Variants in TULP4 observed in about 807,000 individuals in gnomAD.
TULP4 encodes TUB like protein 4, also known as tubby-related protein 4.
A neutral mutation model predicts 129.0 loss-of-function variants in TULP4; 16 were observed. The ratio of observed to expected loss-of-function variants is 0.12; its 90% CI spans 0.08 to 0.19. The LOEUF (loss-of-function observed/expected upper bound fraction) is 0.19, where lower values mean the gene tolerates loss of function less well. Among genes scored for constraint, TULP4 ranks in the 10% least tolerant of loss-of-function variants. The pLI is 1.00. For missense variants in TULP4, 1,842 were observed against 2,059.1 expected (o/e 0.89, Z 2.04); for synonymous variants, 998 against 854.0 (o/e 1.17, Z -2.94).
chr6:158,331,472 C>T (rs1300336806), intron 1 of TULP4, among the ~76,000 whole-genome samples: 3 of 151,808 alleles, frequency 2.0e-5, no homozygotes, highest in Non-Finnish European at 4.4e-5. Context: ...TTGGTGCACC[C>T]CAGTCACTGG....
chr6:158,309,619 C>G (rs1316155551), upstream of TULP4, among the ~76,000 whole-genome samples: 7 of 152,186 alleles, frequency 4.6e-5, no homozygotes, highest in Non-Finnish European at 5.9e-5. Context: ...CCGAGTGAAC[C>G]AGACTCCGTC....
At chr6:158,331,740 T>TAC (rs1779890798) in intron 1 of TULP4, among the ~76,000 whole-genome samples, 1 of 24,996 alleles carries the variant, frequency 4.0e-5, no homozygotes, top group Non-Finnish European at 1.3e-4. Context: ...TACGTATATA[T>TAC]ATACGTGTAT....
intron 1 of TULP4, among the ~76,000 whole-genome samples, chr6:158,236,941 G>A (rs1196136646): frequency 6.6e-6 from 1 of 151,060 alleles, no homozygotes; most frequent in Non-Finnish European, 1.5e-5. Context: ...CACCCGAGTA[G>A]CTGGGACTAC....
At chr6:158,462,911 G>A (rs750740813) in intron 6 of TULP4, among the ~76,000 whole-genome samples, 33 of 151,906 alleles carry the variant, frequency 2.2e-4, no homozygotes, top group Non-Finnish European at 2.6e-4. Context: ...CACCACGCCC[G>A]GCTAATTTTT....
At chr6:158,438,000 T>C (rs890059965) in intron 3 of TULP4, 3 of 152,118 alleles carry the variant, frequency 2.0e-5, no homozygotes, top group African/African-American at 7.2e-5. Context: ...TTAAAACAGG[T>C]TAAAACTCCC....
chr6:158,246,392 T>C (rs1778032366), intron 1 of TULP4, among the ~76,000 whole-genome samples: 1 of 151,268 alleles, frequency 6.6e-6, no homozygotes, highest in Admixed American at 6.6e-5. Flanking sequence ...CTCAGGAGGC[T>C]GAGGCAGGAG....
chr6:158,406,010 C>A (rs993387898), intron 1 of TULP4, among the ~76,000 whole-genome samples: 1 of 152,296 alleles, frequency 6.6e-6, no homozygotes, highest in African/African-American at 2.4e-5. Context: ...GAAGTGGCTC[C>A]TCTGAGTGTT....
At chr6:158,392,677 C>T (rs374181530) in intron 1 of TULP4, among the ~76,000 whole-genome samples, 16 of 151,300 alleles carry the variant, frequency 1.1e-4, no homozygotes, top group South Asian at 8.4e-4. Flanking sequence ...CAGAGGCAGA[C>T]GAAGGGGATT....
chr6:158,312,354 A>G (rs1779374935), upstream of TULP4: 3 of 380,924 alleles, frequency 7.9e-6, no homozygotes, highest in Admixed American at 9.0e-5. Flanking sequence ...ACGGGTAAAG[A>G]AAGTCTGCAA....
chr6:158,345,609 G>T (rs1328145816), intron 1 of TULP4, among the ~76,000 whole-genome samples: 2 of 152,234 alleles, frequency 1.3e-5, no homozygotes, highest in Non-Finnish European at 2.9e-5. Context: ...AGAACAGGGA[G>T]TAGGTCACAA....
intron 1 of TULP4, among the ~76,000 whole-genome samples, chr6:158,248,880 C>G (rs1304936419): frequency 6.6e-6 from 1 of 151,930 alleles, no homozygotes; most frequent in Non-Finnish European, 1.5e-5. Flanking sequence ...AGCACGTTGA[C>G]AGGTTTAGGT....
upstream of TULP4, among the ~76,000 whole-genome samples, chr6:158,278,596 G>A (rs1259365213): frequency 6.6e-6 from 1 of 152,088 alleles, no homozygotes; most frequent in Non-Finnish European, 1.5e-5. Flanking sequence ...TGTTATTTGA[G>A]AACATTTTGA....
At chr6:158,259,659 A>C (rs1301076133) in intron 1 of TULP4, among the ~76,000 whole-genome samples, 20 of 152,298 alleles carry the variant, frequency 1.3e-4, no homozygotes, top group South Asian at 1.0e-3. Flanking sequence ...AACCACCTGA[A>C]CTGAATGTCA....
chr6:158,238,985 C>T (rs1777785682), intron 1 of TULP4, among the ~76,000 whole-genome samples: 2 of 143,194 alleles, frequency 1.4e-5, no homozygotes, highest in African/African-American at 5.0e-5. Context: ...AGGGGCTCCT[C>T]ACTTCCCAGT....
chr6:158,405,744 C>T (rs1048037645), intron 1 of TULP4, among the ~76,000 whole-genome samples: 1 of 152,096 alleles, frequency 6.6e-6, no homozygotes, highest in Admixed American at 6.5e-5. Flanking sequence ...CAGAGCTTGG[C>T]GTTCCAAAGG....
intron 1 of TULP4, among the ~76,000 whole-genome samples, chr6:158,253,009 C>T (rs76962726): frequency 0.17 from 26,217 of 152,166 alleles, 2,678 homozygotes; most frequent in Middle Eastern, 0.24. Context: ...ATGAAGCTTA[C>T]GCGTTGGCAG....
At chr6:158,460,735 A>C (rs900818881) in intron 5 of TULP4, among the ~76,000 whole-genome samples, 1 of 152,194 alleles carries the variant, frequency 6.6e-6, no homozygotes, top group Non-Finnish European at 1.5e-5. Flanking sequence ...TATGAACCTT[A>C]TCTGCCCAGT....
At chr6:158,288,821 A>G (rs553237177) in intron 1 of TULP4, among the ~76,000 whole-genome samples, 161 of 152,276 alleles carry the variant, frequency 1.1e-3, no homozygotes, top group Non-Finnish European at 2.1e-3. Flanking sequence ...ATTTTAGGAT[A>G]CTTTTTTGCT....
At chr6:158,248,887 A>C (rs900847624) in intron 1 of TULP4, among the ~76,000 whole-genome samples, 2 of 152,120 alleles carry the variant, frequency 1.3e-5, no homozygotes, top group African/African-American at 4.8e-5. Flanking sequence ...TGACAGGTTT[A>C]GGTGGAAGGA....
Sources: allele counts gnomAD v4.1 joint callset (sites outside exome capture counted in the v4.1 genomes callset), GRCh38; gene constraint gnomAD v4.1.1; transcripts MANE v1.5; gene names NCBI Gene and HGNC (gene_info 2026-07-23, HGNC 2026-07-21).